Variants in OSBPL5 observed in about 807,000 individuals in gnomAD.
OSBPL5 encodes oxysterol binding protein like 5.
Under a neutral mutation model 111.2 loss-of-function variants are expected in OSBPL5, and 71 were observed. That is an observed-to-expected ratio of 0.64 (90% CI 0.53 to 0.78). The LOEUF is 0.78. Ranked by LOEUF, OSBPL5 falls within the 30% of genes least tolerant of loss-of-function variation. OSBPL5 has a pLI of 0.00. For missense variants in OSBPL5, 1,210 were observed against 1,189.3 expected, an observed-to-expected ratio of 1.02 and a Z score of -0.26; for synonymous variants, 549 against 513.9, an observed-to-expected ratio of 1.07 and a Z score of -0.93.
chr11:3,103,764 G>A (rs560323769), intron 10 of OSBPL5, among the ~76,000 whole-genome samples: 3,969 of 29,154 alleles, frequency 0.14, 212 homozygotes, highest in African/African-American at 0.23. Context: ...CAGCTCTGCA[G>A]CCCCCTTCCA....
Position 3,092,467 on chromosome 11 carries a change from T to C in OSBPL5, c.2224A>G (p.Thr742Ala). The change falls in exon 19 of 22, where the codon ACC becomes GCC. Residue 742 changes from threonine (T) to alanine (A), a missense_variant. By Grantham distance (58) the Thr-to-Ala change is moderately conservative. Coordinates refer to ENST00000263650, the MANE Select transcript of OSBPL5 (RefSeq NM_020896.4). This position sits in a 1 kb window ranked among gnomAD's most constrained non-coding sequence, Gnocchi z 5.4. Reference protein sequence around the residue: ...TLQQEAVARQTTFLGSPGPRH... With the variant: ...TLQQEAVARQATFLGSPGPRH... ...GGCCCTGGGCTGCCCAGGAAGGTGG[T>C]CTGGCGGGCCACGGCCTCCTGCTGC... 3 of 1,577,354 alleles carry C rather than the reference T, an allele frequency of 1.9e-6. No individual in the cohort carries two copies. In the South Asian group the frequency reaches 3.5e-5, roughly 18 times the overall value.
At position 3,106,301 on chromosome 11, in the gene OSBPL5, C is replaced by T. The variant is rs1367638814; in HGVS notation, c.1059+962G>A. ...CCCTTTCCTGCTGAAACCGGGACTG[C>T]CCCTTGCCCTCAGTGACAGCCACGG... On this transcript the variant is annotated intron_variant, in intron 9 of 21. Transcript: ENST00000263650. The surrounding 1 kb of genome is among the most constrained non-coding windows in gnomAD (Gnocchi z 8.4). 6.6e-6 allele frequency among the ~76,000 whole-genome samples: 1 copy of T among 152,168 alleles called. No homozygotes were observed. Among genetic ancestry groups the T allele is most frequent in the East Asian group, 1.9e-4 (1 of 5,194 alleles).
chr11:3,127,393 C>T (rs1858664449), intron 2 of OSBPL5, among the ~76,000 whole-genome samples: 1 of 152,358 alleles, frequency 6.6e-6, no homozygotes, highest in East Asian at 1.9e-4. Context: ...GGCCTGGGGT[C>T]TATAGCCGTC....
At chr11:3,163,362 A>G (rs1360840259) in intron 1 of OSBPL5, among the ~76,000 whole-genome samples, 1 of 152,148 alleles carries the variant, frequency 6.6e-6, no homozygotes, top group African/African-American at 2.4e-5. Flanking sequence ...GCTGGCAGAG[A>G]CACACACAGC....
rs1471659961 is a variant in OSBPL5, at chr11:3,090,588, C to A, written c.2368G>T (p.Asp790Tyr). 1 of 1,613,126 alleles carries A rather than the reference C, an allele frequency of 6.2e-7. No homozygotes were observed. The highest frequency in any genetic ancestry group is 8.5e-7 in the Non-Finnish European group (1 of 1,179,938). The stretch of plus-strand genomic sequence containing the variant: ...ACAAAGTCACCATCCTGCTCCTCGT[C>A]TGAGAGCTCTGGGCAGGACTCAGGC... The part of the protein sequence containing the change: ...STPESCPELS[D>Y]EEQDGDFVPG... The change falls in exon 20 of 22, where the codon GAC (aspartate) becomes TAC (tyrosine). Residue 790 changes from aspartate (D) to tyrosine (Y), a missense_variant. Physicochemically the swap from Asp to Tyr is radical, Grantham distance 160. Coordinates refer to ENST00000263650, the MANE Select transcript of OSBPL5 (RefSeq NM_020896.4).
In OSBPL5 at chr11:3,121,853, G is replaced by A. The variant is rs1043782411; in HGVS notation, c.402+144C>T. ...AGGTGGATAAGGAAAGGCCTCATGA[G>A]GAAGGAGCAGAGGCTGCAGTGATAA... On this transcript the variant is annotated intron_variant, in intron 5 of 21. Coordinates refer to ENST00000263650, the MANE Select transcript of OSBPL5 (RefSeq NM_020896.4). This position sits in a 1 kb window ranked among gnomAD's most constrained non-coding sequence, Gnocchi z 4.3. 8 of 706,134 alleles carry A rather than the reference G, an allele frequency of 1.1e-5. No homozygotes were observed. Among genetic ancestry groups the A allele is most frequent in the East Asian group, 5.5e-5 (2 of 36,688 alleles). The allele number at this position is 706,134 out of a possible 1,614,324, so 43.7% of individuals were successfully genotyped here. A position where few individuals can be genotyped will look rare whatever the true frequency, so the allele number is the denominator to read the frequency against.
In OSBPL5 at chr11:3,141,202, GTCA is replaced by G. The variant is rs896049890; in HGVS notation, c.-21-12036_-21-12034del. 1.3e-5 allele frequency among the ~76,000 whole-genome samples: 2 copies of G among 152,060 alleles called. No individual in the cohort carries two copies. The highest frequency in any genetic ancestry group is 4.8e-5 in the African/African-American group (2 of 41,396). On this transcript the variant is annotated intron_variant, in intron 1 of 21. Coordinates refer to ENST00000263650, the MANE Select transcript of OSBPL5 (RefSeq NM_020896.4). This position sits in a 1 kb window ranked among gnomAD's most constrained non-coding sequence, Gnocchi z 6.5. ...TTCCCCCCGCCCAGCAGACAGTATCGTCATCATGTGTGATGCAGGGAGGGCACA... is the reference window on the plus strand; with the variant it reads ...TTCCCCCCGCCCAGCAGACAGTATCGTCATGTGTGATGCAGGGAGGGCACA...
In OSBPL5 at chr11:3,121,711, C is replaced by T; in HGVS notation, c.402+286G>A. On this transcript the variant is annotated intron_variant, in intron 5 of 21. Transcript: ENST00000263650. The surrounding 1 kb of genome is among the most constrained non-coding windows in gnomAD (Gnocchi z 4.3). ...CAGCGCCCTCCGCCCACTGGCCAGG[C>T]CCCACCTTATTCGGAAATGGGGTCT... 1 of 458,702 alleles carries T rather than the reference C, an allele frequency of 2.2e-6. No individual in the cohort carries two copies. The highest frequency in any genetic ancestry group is 4.0e-6 in the Non-Finnish European group (1 of 253,072). 28.4% of individuals were successfully genotyped at this position (458,702 alleles called of 1,614,324 possible).
chr11:3,096,995 A>AGGAAAGAGGGGGAAGATGGGAGGAGG (rs1564824486), intron 14 of OSBPL5, among the ~76,000 whole-genome samples: 2 of 2,090 alleles, frequency 9.6e-4, no homozygotes, highest in African/African-American at 1.7e-3. Flanking sequence ...GGAGGAGGAG[A>AGGAAAGAGGGGGAAGATGGGAGGAGG]AGAGGAAAGA....
chr11:3,143,397 C>A (rs894065397), intron 1 of OSBPL5, among the ~76,000 whole-genome samples: 1 of 152,202 alleles, frequency 6.6e-6, no homozygotes, highest in African/African-American at 2.4e-5. Flanking sequence ...AGGTGGTCCG[C>A]GCACGCACGC....
At chr11:3,118,769 C>T (rs1858299020) in intron 7 of OSBPL5, among the ~76,000 whole-genome samples, 1 of 151,960 alleles carries the variant, frequency 6.6e-6, no homozygotes, top group South Asian at 2.1e-4. Flanking sequence ...CAGGGTTTCG[C>T]CATGTTGATC....
At chr11:3,103,795 C>T (rs1479037441) in intron 10 of OSBPL5, among the ~76,000 whole-genome samples, 15 of 40,820 alleles carry the variant, frequency 3.7e-4, no homozygotes, top group Non-Finnish European at 8.7e-4. Context: ...TCCCTTCCTG[C>T]CTCTGCAGCC....
chr11:3,131,826 T>C (rs1366176707), intron 1 of OSBPL5, among the ~76,000 whole-genome samples: 7 of 65,956 alleles, frequency 1.1e-4, no homozygotes, highest in African/African-American at 1.7e-4. Context: ...TCCATCCATC[T>C]ACCCACTCAT....
In OSBPL5 at chr11:3,119,556, CGGA is replaced by C. The variant is rs1301714073; in HGVS notation, c.679_681del (p.Ser227del). 6.3e-7 allele frequency: 1 copy of C among 1,575,560 alleles called. No individual in the cohort carries two copies. The highest frequency in any genetic ancestry group is 8.6e-7 in the Non-Finnish European group (1 of 1,165,428). On this transcript the variant is annotated inframe_deletion, in exon 7 of 22. Coordinates refer to ENST00000263650, the MANE Select transcript of OSBPL5 (RefSeq NM_020896.4). The stretch of plus-strand genomic sequence containing the variant: ...GCTGGCAGGGACTCACCATCTGACT[CGGA>C]GGCGGCCCTGAAGATCAGGTAGCTG...
At position 3,113,036 on chromosome 11, in the gene OSBPL5, A is replaced by C. The variant is rs552222315; in HGVS notation, c.692-5091T>G. 6.6e-6 allele frequency among the ~76,000 whole-genome samples: 1 copy of C among 152,360 alleles called. No individual in the cohort carries two copies. The highest frequency in any genetic ancestry group is 2.1e-4 in the South Asian group (1 of 4,830). The stretch of plus-strand genomic sequence containing the variant: ...GTCTATGTATTTATGTGTCGTGTAC[A>C]CAATGTTTCACTACTGAAAATATAT... On this transcript the variant is annotated intron_variant, in intron 7 of 21. Transcript: ENST00000263650. The surrounding 1 kb of genome is among the most constrained non-coding windows in gnomAD (Gnocchi z 4.8).
intron 1 of OSBPL5, among the ~76,000 whole-genome samples, chr11:3,145,488 C>T (rs1440293204): frequency 6.6e-6 from 1 of 152,244 alleles, no homozygotes; most frequent in African/African-American, 2.4e-5. Context: ...GAAGCCACCC[C>T]TGCCCAGCGA....
rs539219405 is a variant in OSBPL5, at chr11:3,141,256, T to C, written c.-21-12087A>G. On this transcript the variant is annotated intron_variant, in intron 1 of 21. Transcript: ENST00000263650. This position sits in a 1 kb window ranked among gnomAD's most constrained non-coding sequence, Gnocchi z 6.5. ...GGAGATGCCACCGAGTCGTGATTGC[T>C]CCTGGACAATGCACAGCGTCCTTTG... Among the ~76,000 whole-genome samples the C allele has an allele frequency of 6.6e-6, 1 of 152,164 alleles. No individual in the cohort carries two copies. The highest frequency in any genetic ancestry group is 2.1e-4 in the South Asian group (1 of 4,816).
rs145307029 is a variant in OSBPL5 at position 3,107,620 on chromosome 11, C to A, written c.866+151G>T. Reference sequence around the variant, plus strand: ...TCAGCCCCGTTTTAGAGGAAGGAACCGAGGCTCCCAGGGCACACTGCAGCG... The same window carrying A: ...TCAGCCCCGTTTTAGAGGAAGGAACAGAGGCTCCCAGGGCACACTGCAGCG... On this transcript the variant is annotated intron_variant, in intron 8 of 21. Transcript: ENST00000263650. This position sits in a 1 kb window ranked among gnomAD's most constrained non-coding sequence, Gnocchi z 6.1. 34 of 1,353,592 alleles carry A rather than the reference C, an allele frequency of 2.5e-5. No homozygotes were observed. The highest frequency in any genetic ancestry group is 3.3e-5 in the Non-Finnish European group (32 of 984,282). 83.8% of individuals were successfully genotyped at this position (1,353,592 alleles called of 1,614,324 possible). A position where few individuals can be genotyped will look rare whatever the true frequency, so the allele number is the denominator to read the frequency against.
At chr11:3,157,192 G>C (rs575858465) in intron 1 of OSBPL5, among the ~76,000 whole-genome samples, 1 of 152,230 alleles carries the variant, frequency 6.6e-6, no homozygotes, top group Non-Finnish European at 1.5e-5. Flanking sequence ...CACGGCCCAC[G>C]AGGGAGGAAA....
Sources: allele counts gnomAD v4.1 joint callset (sites outside exome capture counted in the v4.1 genomes callset), GRCh38; gene constraint gnomAD v4.1.1; non-coding constraint Gnocchi (gnomAD v3.1); transcripts MANE v1.5; gene names NCBI Gene and HGNC (gene_info 2026-07-23, HGNC 2026-07-21).